DHX40: variants seen among roughly 807,000 people sequenced by gnomAD.
DHX40 encodes the protein DEAH-box helicase 40.
In DHX40, 28 loss-of-function variants were observed where a neutral mutation model predicts 89.6. That is an observed-to-expected ratio of 0.31 (90% confidence interval 0.23 to 0.43). The LOEUF is 0.43. Ranked by LOEUF, DHX40 falls within the 20% of genes least tolerant of loss-of-function variation. The pLI, the probability that DHX40 is intolerant of heterozygous loss-of-function variation, is 1.00. For synonymous variants in DHX40, 226 were observed against 283.6 expected, an observed-to-expected ratio of 0.80 and a Z score of 2.04; for missense variants, 457 against 844.0, an observed-to-expected ratio of 0.54 and a Z score of 5.68.
intron 12 of DHX40, among the ~76,000 whole-genome samples, chr17:59,596,378 C>T (rs2030076573): frequency 1.3e-5 from 2 of 152,170 alleles, no homozygotes; most frequent in Non-Finnish European, 2.9e-5. Context: ...GCCAACCTGG[C>T]CAACATGGTG....
chr17:59,605,030 T>G (rs1035260558), intron 15 of DHX40, 85 bp from the exon 16 acceptor site: 18 of 1,122,886 alleles, frequency 1.6e-5, no homozygotes, highest in Non-Finnish European at 2.3e-5. Flanking sequence ...GAACATATTG[T>G]AATTGTTCAT....
At chr17:59,586,302 C>G in intron 11 of DHX40, 69 bp downstream of exon 11, 1 of 1,175,930 alleles carries the variant, frequency 8.5e-7, no homozygotes, top group Non-Finnish European at 1.2e-6. Flanking sequence ...GCTCTAAATA[C>G]CTTTCTCTAA....
chr17:59,585,616 G>A (rs1207767635), intron 10 of DHX40, among the ~76,000 whole-genome samples: 4 of 148,196 alleles, frequency 2.7e-5, no homozygotes, highest in Non-Finnish European at 5.9e-5. Flanking sequence ...CCAGCTACTC[G>A]GGAGGCTGAG....
chr17:59,601,379 C>G (rs187569848), intron 14 of DHX40, among the ~76,000 whole-genome samples: 1 of 152,056 alleles, frequency 6.6e-6, no homozygotes, highest in East Asian at 1.9e-4. Flanking sequence ...TATAATTTCT[C>G]TGTTTCGTTA....
At chr17:59,588,244 A>C (rs1031666894) in intron 12 of DHX40, among the ~76,000 whole-genome samples, 191 bp downstream of exon 12, 26 of 136,214 alleles carry the variant, frequency 1.9e-4, no homozygotes, top group African/African-American at 8.1e-4. Flanking sequence ...AAAAAAAACC[A>C]AAAACAAAAT....
intron 10 of DHX40, among the ~76,000 whole-genome samples, chr17:59,585,534 G>A (rs1218389976): frequency 6.6e-6 from 1 of 150,906 alleles, no homozygotes; most frequent in African/African-American, 2.5e-5. Flanking sequence ...ACCAGCCTGG[G>A]CAACATGGTG....
intron 14 of DHX40, among the ~76,000 whole-genome samples, chr17:59,600,887 C>T (rs554239947): frequency 8.0e-5 from 11 of 137,796 alleles, no homozygotes; most frequent in East Asian, 6.2e-4. Flanking sequence ...TGTTTTTATG[C>T]GTACAGGTCA....
At chr17:59,589,016 CTG>C (rs2049041383) in intron 12 of DHX40, among the ~76,000 whole-genome samples, 1 of 152,080 alleles carries the variant, frequency 6.6e-6, no homozygotes, top group African/African-American at 2.4e-5. Context: ...TTTCTGGGCT[CTG>C]TATCTTGTTC....
chr17:59,570,648 T>C lies in DHX40; in HGVS notation c.411T>C (p.Asp137=), dbSNP rs1244300047. The change falls in exon 3 of 18, where the codon GAT becomes GAC. Residue 137 remains aspartate (D), a synonymous_variant. Transcript: ENST00000251241. ...GSKVGYQVRF[D]DCSSKETAIK... ...AAGTAGGATACCAAGTTCGTTTTGA[T>C]GATTGCAGTTCTAAGGTACAAAAGT... 3.1e-6 allele frequency: 5 copies of C among 1,608,392 alleles called. No homozygotes were observed. Among genetic ancestry groups the C allele is most frequent in the Non-Finnish European group, 4.2e-6 (5 of 1,177,316 alleles).
At chr17:59,566,585 C>T in intron 1 of DHX40, 42 bp from the exon 2 acceptor site, 1 of 1,528,662 alleles carries the variant, frequency 6.5e-7, no homozygotes, top group Non-Finnish European at 8.7e-7. Context: ...TCAGAGATAT[C>T]TTTACAAGTC....
In DHX40 at chr17:59,570,556, C is replaced by T; in HGVS notation, c.319C>T (p.Arg107Ter). The change falls in exon 3 of 18, where the codon CGA becomes TGA. Residue 107 changes from arginine to a stop codon, truncating the protein, a stop_gained. Coordinates refer to ENST00000251241, the MANE Select transcript of DHX40 (RefSeq NM_024612.5). LOFTEE classifies it high-confidence loss of function. ...QHGMIGVTQP[R>*]KVAAISVAQR... ...TGGTATGATTGGTGTAACTCAACCA[C>T]GAAAAGTAGCTGCTATATCAGTTGC... 1.2e-6 allele frequency: 2 copies of T among 1,606,760 alleles called. No homozygotes were observed. Among genetic ancestry groups the T allele is most frequent in the Non-Finnish European group, 1.7e-6 (2 of 1,176,664 alleles).
Position 59,605,517 on chromosome 17 carries a change from A to G in DHX40, c.2043A>G (p.Ala681=), listed in dbSNP as rs1438234390. 3.7e-6 allele frequency: 6 copies of G among 1,614,204 alleles called. 1 individual carries two copies. Among genetic ancestry groups the G allele is most frequent in the Middle Eastern group, 1.6e-4 (1 of 6,062 alleles). Residue 681 remains alanine (A), a synonymous_variant, in exon 17 of 18, where the codon GCA becomes GCG. Transcript: ENST00000251241. ...HEVLVTTKVY[A]RIVCPIRYEW... Reference sequence around the variant, plus strand: ...TATTGGTTACCACCAAAGTCTACGCAAGAATTGTATGCCCAATCCGTTATG... The same window carrying G: ...TATTGGTTACCACCAAAGTCTACGCGAGAATTGTATGCCCAATCCGTTATG...
At chr17:59,565,899 T>C in intron 1 of DHX40, 116 bp downstream of exon 1, 1 of 881,984 alleles carries the variant, frequency 1.1e-6, no homozygotes, top group Non-Finnish European at 1.6e-6. Flanking sequence ...GCCGTGGCGT[T>C]CTCCTGGCTT....
At chr17:59,598,517 A>G (rs944171915) in intron 12 of DHX40, among the ~76,000 whole-genome samples, 1 of 152,160 alleles carries the variant, frequency 6.6e-6, no homozygotes, top group African/African-American at 2.4e-5. Context: ...GATTGGGAGA[A>G]GTAATGTTGC....
At chr17:59,567,671 A>C (rs1169557208) in intron 2 of DHX40, among the ~76,000 whole-genome samples, 2 of 152,120 alleles carry the variant, frequency 1.3e-5, no homozygotes, top group African/African-American at 2.4e-5. Context: ...TCACGCCTGT[A>C]ATCCCAGCAC....
intron 12 of DHX40, among the ~76,000 whole-genome samples, chr17:59,595,074 ATTTTTTG>A (rs902064312): frequency 9.1e-5 from 13 of 142,618 alleles, no homozygotes; most frequent in South Asian, 2.4e-4. Context: ...TTATTTGTAG[ATTTTTTG>A]TTTTTTGTTT....
intron 2 of DHX40, among the ~76,000 whole-genome samples, chr17:59,569,332 A>AT (rs1598133423): frequency 1.8e-5 from 1 of 56,806 alleles, no homozygotes; most frequent in East Asian, 9.6e-4. Flanking sequence ...TATCTCAAAA[A>AT]TAAATAAATA....
At chr17:59,599,743 G>A (rs1457612965) in intron 14 of DHX40, 1 of 210,418 alleles carries the variant, frequency 4.8e-6, no homozygotes, top group Non-Finnish European at 1.0e-5. Context: ...TATACACTTT[G>A]ATGAGTTTTG....
At position 59,591,163 on chromosome 17, in the gene DHX40, G is replaced by T. The variant is rs1328803057; in HGVS notation, c.1582+3110G>T. Among the ~76,000 whole-genome samples the T allele has an allele frequency of 1.3e-5, 2 of 151,594 alleles. 1 individual carries two copies. The highest frequency in any genetic ancestry group is 1.3e-4 in the Admixed American group (2 of 15,224). On this transcript the variant is annotated intron_variant, in intron 12 of 17. Transcript: ENST00000251241. ...GTCTCTACTAAAAATATAAAAATTA[G>T]CCAGGCGTGGCGTGCACCTGTGTTG...
Sources: allele counts gnomAD v4.1 joint callset (sites outside exome capture counted in the v4.1 genomes callset), GRCh38; gene constraint gnomAD v4.1.1; transcripts MANE v1.5; gene names NCBI Gene and HGNC (gene_info 2026-07-23, HGNC 2026-07-21).